CEP85L: variants seen among roughly 807,000 people sequenced by gnomAD.
CEP85L encodes the protein centrosomal protein of 85 kDa-like.
A neutral mutation model predicts 100.3 loss-of-function variants in CEP85L; 60 were observed. That is an observed-to-expected ratio of 0.60 (90% confidence interval 0.49 to 0.74). The LOEUF (loss-of-function observed/expected upper bound fraction) is 0.74, where lower values mean the gene tolerates loss of function less well. Among genes scored for constraint, CEP85L ranks in the 30% least tolerant of loss-of-function variants. The pLI, the probability that CEP85L is intolerant of heterozygous loss-of-function variation, is 0.00. For missense variants in CEP85L, 973 were observed against 936.2 expected (o/e 1.04, Z -0.51); for synonymous variants, 319 against 322.7 (o/e 0.99, Z 0.12).
At position 118,567,253 on chromosome 6, in the gene CEP85L, A is replaced by G. The variant is rs71559834; in HGVS notation, c.233-937T>C. On this transcript the variant is annotated intron_variant, in intron 2 of 12. Transcript: ENST00000368491. ...TGTGTGTGTGTGTGTGTGTGTGTAT[A>G]TATATATATATATATATATATATAT... Among the ~76,000 whole-genome samples the G allele has an allele frequency of 8.8e-3, 467 of 53,032 alleles. 1 individual carries two copies. Among genetic ancestry groups the G allele is most frequent in the Non-Finnish European group, 0.014 (347 of 25,162 alleles). 34.8% of individuals were successfully genotyped at this position (53,032 alleles called of 152,430 possible).
In CEP85L at chr6:118,698,635, T is replaced by C. The variant is rs1777292304; in HGVS notation, c.-28+11401A>G. 3.3e-5 allele frequency among the ~76,000 whole-genome samples: 5 copies of C among 152,216 alleles called. No individual in the cohort carries two copies. The South Asian group carries it at 1.0e-3, about 32-fold the overall frequency. On this transcript the variant is annotated intron_variant, in intron 1 of 13. Coordinates refer to the CEP85L transcript ENST00000368488. ...TAAGGATACTACATTTGAAAGATCA[T>C]ATGTACTTGAAAGACAAGTTTCCAC...
chr6:118,629,495 T>C (rs1292463472), intron 2 of CEP85L, among the ~76,000 whole-genome samples: 10 of 152,194 alleles, frequency 6.6e-5, no homozygotes, highest in Non-Finnish European at 1.5e-4. Flanking sequence ...ACACATTTAT[T>C]AGAAAGGCAA....
chr6:118,587,823 G>A (rs56959050), intron 2 of CEP85L, among the ~76,000 whole-genome samples: 1,946 of 152,218 alleles, frequency 0.013, 51 homozygotes, highest in African/African-American at 0.044. Flanking sequence ...AAATGACATC[G>A]TAAATGACTA....
At chr6:118,623,167 C>A (rs765939943) in intron 2 of CEP85L, among the ~76,000 whole-genome samples, 8 of 152,180 alleles carry the variant, frequency 5.3e-5, no homozygotes, top group African/African-American at 1.9e-4. Flanking sequence ...CCAAACTATG[C>A]GGCAGGTAGT....
intron 1 of CEP85L, among the ~76,000 whole-genome samples, chr6:118,666,401 G>T (rs1306986986): frequency 2.0e-5 from 3 of 152,220 alleles, no homozygotes; most frequent in Non-Finnish European, 2.9e-5. Context: ...AAAAGGGTCA[G>T]AGCCTGAATT....
intron 1 of CEP85L, among the ~76,000 whole-genome samples, chr6:118,698,704 T>C (rs1777294841): frequency 6.6e-6 from 1 of 152,192 alleles, no homozygotes; most frequent in Non-Finnish European, 1.5e-5. Flanking sequence ...CTAAGACTGA[T>C]CCATCTTTTG....
At chr6:118,655,480 A>G (rs1298934967), upstream of CEP85L, among the ~76,000 whole-genome samples, 1 of 152,204 alleles carries the variant, frequency 6.6e-6, no homozygotes, top group African/African-American at 2.4e-5. Flanking sequence ...ATGAAAAGAG[A>G]CAAGATCATT....
At chr6:118,507,876 A>C (rs546806616) in intron 5 of CEP85L, among the ~76,000 whole-genome samples, 1 of 152,304 alleles carries the variant, frequency 6.6e-6, no homozygotes, top group African/African-American at 2.4e-5. Context: ...CACTTCATAC[A>C]TAAACCCTGT....
intron 1 of CEP85L, among the ~76,000 whole-genome samples, chr6:118,637,911 T>C (rs1216843153): frequency 6.6e-6 from 1 of 151,622 alleles, no homozygotes; most frequent in Non-Finnish European, 1.5e-5. Flanking sequence ...TTCTGAAAAA[T>C]AGTCCAAGCC....
chr6:118,640,965 G>T (rs1456490924), intron 1 of CEP85L, among the ~76,000 whole-genome samples: 7 of 152,166 alleles, frequency 4.6e-5, no homozygotes, highest in Admixed American at 4.6e-4. Context: ...GGACTGACAT[G>T]AAAGGTAGAT....
At chr6:118,505,106 A>G (rs1417210772) in intron 5 of CEP85L, among the ~76,000 whole-genome samples, 1 of 152,090 alleles carries the variant, frequency 6.6e-6, no homozygotes, top group African/African-American at 2.4e-5. Flanking sequence ...TAGTCAGCCT[A>G]AAACTGCTCT....
intron 6 of CEP85L, among the ~76,000 whole-genome samples, chr6:118,485,617 A>G (rs2213857): frequency 0.46 from 70,329 of 152,058 alleles, 16,765 homozygotes; most frequent in Middle Eastern, 0.57. Flanking sequence ...TGGTGACCAT[A>G]TAATACAATT....
At chr6:118,519,464 GTGTGT>G (rs1274949681) in intron 4 of CEP85L, among the ~76,000 whole-genome samples, 22 of 65,312 alleles carry the variant, frequency 3.4e-4, no homozygotes, top group African/African-American at 1.4e-3. Context: ...GTGTGTGTGT[GTGTGT>G]GTGTGGCGGG....
At chr6:118,626,889 C>T (rs1027321859) in intron 2 of CEP85L, among the ~76,000 whole-genome samples, 2 of 152,162 alleles carry the variant, frequency 1.3e-5, no homozygotes, top group Non-Finnish European at 2.9e-5. Flanking sequence ...ATATAAAGAA[C>T]TCTCAAACTC....
Position 118,499,459 on chromosome 6 carries a change from T to G in CEP85L, c.1258-7594A>C, listed in dbSNP as rs192419248. 3.7e-3 allele frequency among the ~76,000 whole-genome samples: 563 copies of G among 151,124 alleles called. 3 individuals are homozygous for G. The highest frequency in any genetic ancestry group is 0.013 in the African/African-American group (537 of 41,162). On this transcript the variant is annotated intron_variant, in intron 5 of 12. Coordinates refer to ENST00000368491, the MANE Select transcript of CEP85L (RefSeq NM_001042475.3). The stretch of plus-strand genomic sequence containing the variant: ...GGCGGGTGGATCACAAGGTCAGGAG[T>G]TTGAGACCAGCCTGGCCAATAGGGT...
intron 3 of CEP85L, among the ~76,000 whole-genome samples, chr6:118,527,002 CTT>C (rs764883723): frequency 1.3e-4 from 13 of 98,730 alleles, no homozygotes; most frequent in African/African-American, 3.7e-4. Context: ...TTTACTTTTT[CTT>C]TTTTTTTTTT....
intron 8 of CEP85L, among the ~76,000 whole-genome samples, chr6:118,480,883 A>C (rs901623830): frequency 8.5e-5 from 13 of 152,276 alleles, no homozygotes; most frequent in Middle Eastern, 3.4e-3. Context: ...TGATCATTGC[A>C]GGGAACCTAA....
At chr6:118,578,711 G>C (rs551262334) in intron 2 of CEP85L, among the ~76,000 whole-genome samples, 1 of 152,064 alleles carries the variant, frequency 6.6e-6, no homozygotes, top group Non-Finnish European at 1.5e-5. Flanking sequence ...CCTGGTGACC[G>C]GGCAAGACTC....
chr6:118,531,514 G>C (rs1777291089), intron 3 of CEP85L, among the ~76,000 whole-genome samples: 1 of 152,002 alleles, frequency 6.6e-6, no homozygotes, highest in Non-Finnish European at 1.5e-5. Flanking sequence ...TGACAAATGG[G>C]ACCTAATTAA....
Sources: gnomAD v4.1 joint callset for allele counts (sites outside exome capture counted in the v4.1 genomes callset) on GRCh38, gnomAD v4.1.1 for gene constraint, MANE v1.5 for transcripts, NCBI Gene and HGNC (gene_info 2026-07-23, HGNC 2026-07-21) for gene names.